Variants in DCAF8 observed in about 807,000 individuals in gnomAD.
DCAF8 encodes the protein DDB1- and CUL4-associated factor 8.
Under a neutral mutation model 68.0 loss-of-function variants are expected in DCAF8, and 20 were observed. The observed-to-expected ratio is 0.29, with a 90% CI of 0.21 to 0.43. DCAF8 has a LOEUF of 0.43. DCAF8 is among the 20% of genes least tolerant of loss of function. The probability of loss-of-function intolerance (pLI) is 1.00; values close to 1 mark genes in which losing one functional copy is unlikely to be tolerated. For synonymous variants in DCAF8, 230 were observed against 276.9 expected (o/e 0.83, Z 1.68); for missense variants, 460 against 771.0 (o/e 0.60, Z 4.78).
intron 7 of DCAF8, among the ~76,000 whole-genome samples, chr1:160,226,077 A>G (rs1484954418): frequency 3.9e-5 from 6 of 152,106 alleles, no homozygotes; most frequent in Non-Finnish European, 7.4e-5. Context: ...TCCTTTATCC[A>G]CATACTTCCC....
At chr1:160,247,584 G>A (rs1656395669) in intron 2 of DCAF8, among the ~76,000 whole-genome samples, 1 of 152,050 alleles carries the variant, frequency 6.6e-6, no homozygotes, top group South Asian at 2.1e-4. Flanking sequence ...AAATGCTTGG[G>A]GCCAGAAGTG....
intron 4 of DCAF8, 32 bp from the exon 5 acceptor site, chr1:160,238,779 C>G (rs891227578): frequency 1.3e-6 from 2 of 1,569,546 alleles, no homozygotes; most frequent in Non-Finnish European, 1.7e-6. Flanking sequence ...AAAGGACACA[C>G]AAAAGAAATG....
intron 12 of DCAF8, among the ~76,000 whole-genome samples, 157 bp downstream of exon 12, chr1:160,218,692 G>A (rs1655202522): frequency 6.6e-6 from 1 of 152,182 alleles, no homozygotes; most frequent in Admixed American, 6.5e-5. Context: ...CCCTGGAGCA[G>A]GACTATTCCT....
intron 11 of DCAF8, among the ~76,000 whole-genome samples, chr1:160,221,788 C>T (rs1655304186): frequency 7.4e-6 from 1 of 134,602 alleles, no homozygotes; most frequent in Non-Finnish European, 1.5e-5. Flanking sequence ...TAACAGAAAG[C>T]GATTGAACTC....
chr1:160,262,112 C>A (rs1381821736), intron 1 of DCAF8: 5 of 382,274 alleles, frequency 1.3e-5, no homozygotes, highest in Admixed American at 4.5e-5. Context: ...AACACCAGGG[C>A]TGACCTGAGG....
At chr1:160,255,884 T>C (rs1656815672) in intron 2 of DCAF8, among the ~76,000 whole-genome samples, 1 of 152,126 alleles carries the variant, frequency 6.6e-6, no homozygotes, top group Non-Finnish European at 1.5e-5. Flanking sequence ...CCTCCCAAAA[T>C]GCTGGGATTA....
chr1:160,239,258 G>A (rs1434850707), intron 4 of DCAF8: 11 of 1,099,696 alleles, frequency 1.0e-5, no homozygotes, highest in Non-Finnish European at 1.3e-5. Flanking sequence ...ACCAGTCACA[G>A]TTCTAACTGC....
intron 3 of DCAF8, among the ~76,000 whole-genome samples, chr1:160,241,690 G>T (rs1656121947): frequency 6.6e-6 from 1 of 152,204 alleles, no homozygotes; most frequent in South Asian, 2.1e-4. Context: ...CCTTTCCTCA[G>T]ATGGCTATAA....
chr1:160,239,858 C>A lies in DCAF8; in HGVS notation c.562G>T (p.Gly188Trp). 6.2e-7 allele frequency: 1 copy of A among 1,614,272 alleles called. No homozygotes were observed. The highest frequency in any genetic ancestry group is 2.2e-5 in the East Asian group (1 of 44,886). ...VFVQRFRLQH[G>W]LEGHTGCVNT... ...ACACAACCAGTATGGCCCTCAAGCCCATGCTGCAGGCGGAAACGCTGCACA... is the reference window on the plus strand; with the variant it reads ...ACACAACCAGTATGGCCCTCAAGCCAATGCTGCAGGCGGAAACGCTGCACA... Residue 188 changes from glycine to tryptophan, a missense_variant, in exon 4 of 14, where the codon GGG becomes TGG. Physicochemically the swap from Gly to Trp is radical, Grantham distance 184. Transcript: ENST00000368074.
rs765515218 is a variant in DCAF8, at chr1:160,239,798, G to A, written c.622C>T (p.Leu208=). 6.2e-7 allele frequency: 1 copy of A among 1,614,278 alleles called. No individual in the cohort carries two copies. Among genetic ancestry groups the A allele is most frequent in the South Asian group, 1.1e-5 (1 of 91,086 alleles). The change falls in exon 4 of 14, where the codon CTG becomes TTG. Residue 208 remains leucine, a synonymous_variant. Coordinates refer to ENST00000368074, the MANE Select transcript of DCAF8 (RefSeq NM_015726.4). The stretch of plus-strand genomic sequence containing the variant: ...TTCAGGTCATCGCTGCCACTGGCCA[G>A]CCAGGTGCCGCGCTGGTTAAAGTGC... The part of the protein sequence containing the change: ...TLHFNQRGTW[L]ASGSDDLKVV...
intron 1 of DCAF8, 74 bp downstream of exon 1, chr1:160,262,375 G>A (rs1657140777): frequency 1.0e-5 from 4 of 399,412 alleles, no homozygotes; most frequent in African/African-American, 8.2e-5. Flanking sequence ...TCATCCTTCT[G>A]CTAGCGGCTG....
At chr1:160,218,491 G>C in intron 12 of DCAF8, 51 bp from the exon 13 acceptor site, 1 of 1,367,292 alleles carries the variant, frequency 7.3e-7, no homozygotes, top group Non-Finnish European at 1.0e-6. Context: ...GAGGAACCCG[G>C]GACCTGATCA....
intron 3 of DCAF8, among the ~76,000 whole-genome samples, chr1:160,243,591 C>G (rs1656207423): frequency 6.6e-6 from 1 of 151,990 alleles, no homozygotes; most frequent in African/African-American, 2.4e-5. Context: ...AGGGACCTCT[C>G]AATATAACTG....
rs945161039 is a variant in DCAF8, at chr1:160,231,360, G to A, written c.1007C>T (p.Thr336Met). ...GGTATTGGCAGGATTCACATAGATC[G>A]TATACAGCCCCACTTTCTTCTCTTT... is the stretch of plus-strand genomic sequence containing the variant. ...KEKEKKVGLY[T>M]IYVNPANTHQ... is the part of the protein sequence containing the mutation. The change falls in exon 7 of 14, where the codon ACG (threonine) becomes ATG (methionine). Residue 336 changes from threonine to methionine, a missense_variant. Transcript: ENST00000368074. The A allele has an allele frequency of 6.2e-7, 1 of 1,614,078 alleles. No individual in the cohort carries two copies. The highest frequency in any genetic ancestry group is 2.2e-5 in the East Asian group (1 of 44,876).
Position 160,254,044 on chromosome 1 carries a change from G to A in DCAF8, c.-27+7241C>T, listed in dbSNP as rs555603199. On this transcript the variant is annotated intron_variant, in intron 2 of 13. Coordinates refer to ENST00000368074, the MANE Select transcript of DCAF8 (RefSeq NM_015726.4). ...TAAATCTATAAAAATTATTTCCTGG[G>A]ATGGGTGCGTGGCTCATGCCTGTAA... Among the ~76,000 whole-genome samples, 2 of 152,222 alleles carry A rather than the reference G, an allele frequency of 1.3e-5. 1 individual carries two copies. Among genetic ancestry groups the A allele is most frequent in the South Asian group, 4.1e-4 (2 of 4,826 alleles).
At chr1:160,256,012 CTTTTTTTTT>C (rs11284812) in intron 2 of DCAF8, among the ~76,000 whole-genome samples, 3 of 75,488 alleles carry the variant, frequency 4.0e-5, no homozygotes, top group Admixed American at 3.4e-4. Context: ...ACTAAGCAAA[CTTTTTTTTT>C]TTTTTTTTTT....
intron 2 of DCAF8, among the ~76,000 whole-genome samples, chr1:160,247,394 T>G (rs940588966): frequency 1.3e-5 from 2 of 152,182 alleles, no homozygotes; most frequent in Admixed American, 1.3e-4. Context: ...ACCAATTACA[T>G]GACAAAATAT....
intron 2 of DCAF8, among the ~76,000 whole-genome samples, chr1:160,259,937 A>G (rs1431819079): frequency 6.6e-6 from 1 of 152,186 alleles, no homozygotes; most frequent in Admixed American, 6.5e-5. Context: ...TCAGAAGACA[A>G]CTCTAGGTGG....
chr1:160,238,871 T>C, intron 4 of DCAF8, 124 bp from the exon 5 acceptor site: 1 of 1,109,872 alleles, frequency 9.0e-7, no homozygotes, highest in Admixed American at 3.2e-5. Flanking sequence ...GAAACTTAGC[T>C]TTCCTACTCT....
Sources: allele counts gnomAD v4.1 joint callset (sites outside exome capture counted in the v4.1 genomes callset), GRCh38; gene constraint gnomAD v4.1.1; transcripts MANE v1.5; gene names NCBI Gene and HGNC (gene_info 2026-07-23, HGNC 2026-07-21).